Variants in FAM78B observed in about 807,000 individuals in gnomAD.
The protein encoded by FAM78B is family with sequence similarity 78 member B, also known as protein FAM78B.
Under a neutral mutation model 20.0 loss-of-function variants are expected in FAM78B, and 10 were observed. The observed-to-expected ratio is 0.50, with a 90% CI of 0.31 to 0.85. The LOEUF is 0.85. Ranked by LOEUF, FAM78B falls within the 40% of genes least tolerant of loss-of-function variation. The pLI is 0.05. For synonymous variants in FAM78B, 135 were observed against 132.8 expected, an observed-to-expected ratio of 1.02 and a Z score of -0.12; for missense variants, 283 against 345.0, an observed-to-expected ratio of 0.82 and a Z score of 1.42.
intron 1 of FAM78B, among the ~76,000 whole-genome samples, chr1:166,140,647 T>C (rs78751085): frequency 2.1e-3 from 317 of 152,358 alleles, no homozygotes; most frequent in African/African-American, 7.2e-3. Context: ...CAGTTTTCCT[T>C]ACTGCAAATG....
intron 1 of FAM78B, among the ~76,000 whole-genome samples, chr1:166,132,970 G>A (rs1435987332): frequency 1.3e-5 from 2 of 152,174 alleles, no homozygotes; most frequent in African/African-American, 4.8e-5. Context: ...TGGGATATGA[G>A]AACAATCTCT....
At position 166,101,133 on chromosome 1, in the gene FAM78B, C is replaced by T. The variant is rs538981188; in HGVS notation, c.264-30370G>A. Among the ~76,000 whole-genome samples the T allele has an allele frequency of 2.0e-3, 312 of 152,288 alleles. 1 individual carries two copies. Among genetic ancestry groups the T allele is most frequent in the African/African-American group, 6.9e-3 (287 of 41,558 alleles). On this transcript the variant is annotated intron_variant, in intron 1 of 1. Coordinates refer to ENST00000354422, the MANE Select transcript of FAM78B (RefSeq NM_001017961.5). ...CCAACAGACCTGCAACTGAGGGTCC[C>T]GACTGTTAGAAGGAAAACTAACAAA...
chr1:166,143,607 G>A (rs531659354), intron 1 of FAM78B, among the ~76,000 whole-genome samples: 23 of 152,280 alleles, frequency 1.5e-4, no homozygotes, highest in Non-Finnish European at 2.6e-4. Flanking sequence ...TACTCGGGCT[G>A]TGGTGCAGAG....
In FAM78B at chr1:166,154,706, T is replaced by C. The variant is rs757863157; in HGVS notation, c.263+11280A>G. 17 of 528,482 alleles carry C rather than the reference T, an allele frequency of 3.2e-5. No homozygotes were observed. The East Asian group carries it at 7.7e-4, about 24-fold the overall frequency. 32.7% of individuals were successfully genotyped at this position (528,482 alleles called of 1,614,324 possible). A position where few individuals can be genotyped will look rare whatever the true frequency, so the allele number is the denominator to read the frequency against. Reference sequence around the variant, plus strand: ...ACTGACTGCTGCTTTGAAGACTAGGTGTGCTGGGTGCCTCCAGCCCTGACC... The same window carrying C: ...ACTGACTGCTGCTTTGAAGACTAGGCGTGCTGGGTGCCTCCAGCCCTGACC... On this transcript the variant is annotated intron_variant, in intron 1 of 1. Coordinates refer to ENST00000354422, the MANE Select transcript of FAM78B (RefSeq NM_001017961.5).
At chr1:166,162,529 C>A (rs114971600) in intron 1 of FAM78B, among the ~76,000 whole-genome samples, 1,690 of 152,322 alleles carry the variant, frequency 0.011, 15 homozygotes, top group Middle Eastern at 0.024. Flanking sequence ...GGCACAAGAG[C>A]CCCATTCCTT....
At chr1:166,082,499 C>G (rs908143979) in intron 1 of FAM78B, 3 of 152,262 alleles carry the variant, frequency 2.0e-5, no homozygotes, top group African/African-American at 7.2e-5. Flanking sequence ...AAGCCACCAC[C>G]CTTGGCTCCC....
rs1433772537 is a variant in FAM78B, at chr1:166,093,945, A to C, written c.264-23182T>G. 2.7e-5 allele frequency among the ~76,000 whole-genome samples: 4 copies of C among 147,792 alleles called. No individual in the cohort carries two copies. In the South Asian group the frequency reaches 8.9e-4, roughly 33 times the overall value. On this transcript the variant is annotated intron_variant, in intron 1 of 1. Transcript: ENST00000354422. ...GATCAATGACGGTGCACGGGGAGAG[A>C]GGAGCAGGGTGGGGGTATGGGGGAC...
At chr1:166,144,550 T>G (rs1017571183) in intron 1 of FAM78B, among the ~76,000 whole-genome samples, 14 of 152,106 alleles carry the variant, frequency 9.2e-5, no homozygotes, top group South Asian at 2.1e-4. Context: ...AGAGGTTGGT[T>G]GTTGTCCTCA....
intron 1 of FAM78B, among the ~76,000 whole-genome samples, chr1:166,086,797 G>A (rs1652848468): frequency 6.6e-6 from 1 of 152,152 alleles, no homozygotes; most frequent in Non-Finnish European, 1.5e-5. Context: ...CAAAAGGAGT[G>A]CCTGTCTGCA....
chr1:166,108,796 C>G (rs1190680133), intron 1 of FAM78B, among the ~76,000 whole-genome samples: 1 of 152,140 alleles, frequency 6.6e-6, no homozygotes, highest in Non-Finnish European at 1.5e-5. Flanking sequence ...CAGCATGGTA[C>G]TGGTACAAAA....
chr1:166,154,947 CT>C (rs1655838103), intron 1 of FAM78B: 1 of 416,530 alleles, frequency 2.4e-6, no homozygotes, highest in Non-Finnish European at 5.0e-6. Context: ...TTTCTCTACT[CT>C]TTAATCAAGA....
intron 1 of FAM78B, among the ~76,000 whole-genome samples, chr1:166,099,093 A>T (rs1018279258): frequency 6.6e-6 from 1 of 152,204 alleles, no homozygotes; most frequent in Non-Finnish European, 1.5e-5. Flanking sequence ...CCCTATCTTT[A>T]GCCTCCTCTA....
chr1:166,088,647 G>T (rs1328491262), intron 1 of FAM78B, among the ~76,000 whole-genome samples: 1 of 152,188 alleles, frequency 6.6e-6, no homozygotes, highest in East Asian at 1.9e-4. Context: ...CTGGCATACA[G>T]CTATGGCCAA....
chr1:166,104,053 G>A (rs530487963), intron 1 of FAM78B, among the ~76,000 whole-genome samples: 6 of 152,178 alleles, frequency 3.9e-5, no homozygotes, highest in East Asian at 1.9e-4. Context: ...TTCAACATAC[G>A]CAAATCAATA....
chr1:166,109,894 A>G (rs1252478398), intron 1 of FAM78B, among the ~76,000 whole-genome samples: 1,351 of 57,700 alleles, frequency 0.023, 220 homozygotes, highest in African/African-American at 0.1. Flanking sequence ...ATATATGTAT[A>G]TATATATATA....
chr1:166,162,013 T>C (rs1200014931), intron 1 of FAM78B, among the ~76,000 whole-genome samples: 1 of 152,166 alleles, frequency 6.6e-6, no homozygotes, highest in East Asian at 1.9e-4. Context: ...CCATTAACTG[T>C]ACTTTGAGGT....
At chr1:166,062,165 C>T (rs531127088) in intron 2 of FAM78B, among the ~76,000 whole-genome samples, 1 of 152,268 alleles carries the variant, frequency 6.6e-6, no homozygotes, top group East Asian at 1.9e-4. Context: ...GAATATGGCA[C>T]TGAGATTGGC....
At chr1:166,109,841 T>TAC (rs1557903137) in intron 1 of FAM78B, among the ~76,000 whole-genome samples, 1 of 21,128 alleles carries the variant, frequency 4.7e-5, no homozygotes, top group Non-Finnish European at 8.8e-5. Context: ...TGTATATATG[T>TAC]ATATATATAT....
chr1:166,066,798 A>C (rs1350973543), downstream of FAM78B, among the ~76,000 whole-genome samples: 1 of 152,190 alleles, frequency 6.6e-6, no homozygotes, highest in Non-Finnish European at 1.5e-5. Context: ...GAGTTGTAAA[A>C]AGGTCCACAG....
Sources: gnomAD v4.1 joint callset for allele counts (sites outside exome capture counted in the v4.1 genomes callset) on GRCh38, gnomAD v4.1.1 for gene constraint, MANE v1.5 for transcripts, NCBI Gene and HGNC (gene_info 2026-07-23, HGNC 2026-07-21) for gene names.